NUP62CL: variants seen among roughly 807,000 people sequenced by gnomAD.
The protein encoded by NUP62CL is nucleoporin-62 C-terminal-like protein.
NUP62CL carries 13 observed loss-of-function variants against 15.3 expected under a neutral mutation model. The ratio of observed to expected loss-of-function variants is 0.85; its 90% CI spans 0.55 to 1.35. The LOEUF is 1.35. Among genes scored for constraint, NUP62CL ranks in the 40% most tolerant of loss-of-function variants. The pLI, the probability that NUP62CL is intolerant of heterozygous loss-of-function variation, is 0.00. For synonymous variants in NUP62CL, 54 were observed against 49.2 expected (o/e 1.10, Z -0.41); for missense variants, 123 against 130.6 (o/e 0.94, Z 0.28).
chrX:107,129,428 T>A (rs1402498632), intron 8 of NUP62CL, among the ~76,000 whole-genome samples: 3 of 111,592 alleles, frequency 2.7e-5, no homozygotes, highest in Non-Finnish European at 5.6e-5. Flanking sequence ...GGGCAAGTAT[T>A]CTGTACCAAA....
rs181092906 is a variant in NUP62CL, at chrX:107,155,351, G to T, written c.195-1105C>A. Among the ~76,000 whole-genome samples the T allele has an allele frequency of 3.1e-3, 346 of 112,468 alleles. 1 individual carries two copies. Among genetic ancestry groups the T allele is most frequent in the African/African-American group, 0.011 (338 of 30,926 alleles). On this transcript the variant is annotated intron_variant, in intron 4 of 8. Transcript: ENST00000372466. ...CCCCTTGTGTCAGTGGGGCCAACAG[G>T]AAGCTGAAATTCTGCCTCCATGTGC...
At chrX:107,159,580 AC>A (rs1310752237) in intron 4 of NUP62CL, among the ~76,000 whole-genome samples, 2 of 66,012 alleles carry the variant, frequency 3.0e-5, no homozygotes, top group Non-Finnish European at 5.4e-5. Context: ...AAATTCAACA[AC>A]CCTTCATGCT....
At chrX:107,154,483 C>T (rs1926126064) in intron 4 of NUP62CL, among the ~76,000 whole-genome samples, 1 of 111,779 alleles carries the variant, frequency 8.9e-6, no homozygotes, top group South Asian at 3.8e-4. Context: ...AAGAAACCTA[C>T]TAAATCACAG....
In NUP62CL at chrX:107,167,661, G is replaced by C; in HGVS notation, c.182C>G (p.Thr61Ser). Residue 61 changes from threonine to serine, a missense_variant, in exon 4 of 9, where the codon ACT (threonine) becomes AGT (serine). Physicochemically the swap from Thr to Ser is moderately conservative, Grantham distance 58. Coordinates refer to ENST00000372466, the MANE Select transcript of NUP62CL (RefSeq NM_017681.3). ...TAAATAGGCTTACCTAACAGTTGAAGTATAAGGTACAAGGTTTTCAAACCC... is the reference window on the plus strand; with the variant it reads ...TAAATAGGCTTACCTAACAGTTGAACTATAAGGTACAAGGTTTTCAAACCC... ...SRGFENLVPY[T>S]STVSVVATPV... The C allele has an allele frequency of 8.4e-7, 1 of 1,194,415 alleles. No homozygotes were observed. The highest frequency in any genetic ancestry group is 1.1e-6 in the Non-Finnish European group (1 of 884,482).
intron 8 of NUP62CL, among the ~76,000 whole-genome samples, 182 bp from the exon 9 acceptor site, chrX:107,124,514 T>C (rs867654568): frequency 9.0e-6 from 1 of 111,439 alleles, no homozygotes; most frequent in Non-Finnish European, 1.9e-5. Context: ...GTGCAAACAA[T>C]GGACAAGACT....
chrX:107,170,445 C>T (rs1342430503), intron 3 of NUP62CL, among the ~76,000 whole-genome samples: 8 of 103,108 alleles, frequency 7.8e-5, no homozygotes, highest in Non-Finnish European at 2.0e-5. Flanking sequence ...TGGAGTCTCG[C>T]TCTGTCACCC....
At chrX:107,180,323 CTGTAAAATGACA>C (rs1926886084) in intron 2 of NUP62CL, among the ~76,000 whole-genome samples, 1 of 111,764 alleles carries the variant, frequency 8.9e-6, no homozygotes, top group East Asian at 2.8e-4. Flanking sequence ...ACTTGAATAC[CTGTAAAATGACA>C]TGTAAAATGA....
chrX:107,129,576 C>T (rs1301298747), intron 8 of NUP62CL, among the ~76,000 whole-genome samples: 1 of 112,348 alleles, frequency 8.9e-6, no homozygotes, highest in Non-Finnish European at 1.9e-5. Context: ...CTGGAAGTTT[C>T]TTCTCCAGAG....
Position 107,137,976 on chromosome X carries a change from T to C in NUP62CL, c.*42+9767A>G, listed in dbSNP as rs780327268. Among the ~76,000 whole-genome samples the C allele has an allele frequency of 1.0e-3, 114 of 111,606 alleles. 1 individual carries two copies. Among genetic ancestry groups the C allele is most frequent in the Non-Finnish European group, 1.9e-3 (100 of 53,057 alleles). Reference sequence around the variant, plus strand: ...ATTGGGGGAAAGACACATAGACCCATAGTATAGAGACCTCAGAAAAAGACC... The same window carrying C: ...ATTGGGGGAAAGACACATAGACCCACAGTATAGAGACCTCAGAAAAAGACC... On this transcript the variant is annotated intron_variant, in intron 8 of 8. Transcript: ENST00000372466.
At chrX:107,183,631 C>T (rs1428189454) in intron 2 of NUP62CL, among the ~76,000 whole-genome samples, 1 of 110,638 alleles carries the variant, frequency 9.0e-6, no homozygotes, top group Admixed American at 9.7e-5. Context: ...CCCAGAAATG[C>T]CAATGGGTAT....
At chrX:107,140,503 T>C (rs1428316718) in intron 8 of NUP62CL, among the ~76,000 whole-genome samples, 1 of 111,496 alleles carries the variant, frequency 9.0e-6, no homozygotes, top group Non-Finnish European at 1.9e-5. Context: ...TCCAATTATA[T>C]AGCACTCAGT....
intron 7 of NUP62CL, among the ~76,000 whole-genome samples, chrX:107,148,761 T>C (rs1022949473): frequency 1.3e-4 from 14 of 110,829 alleles, no homozygotes; most frequent in Admixed American, 3.8e-4. Context: ...TTTTAGACAT[T>C]AGGTGGTCTT....
chrX:107,156,493 C>T (rs1228954170), intron 4 of NUP62CL, among the ~76,000 whole-genome samples: 1 of 106,283 alleles, frequency 9.4e-6, no homozygotes, highest in African/African-American at 3.4e-5. Context: ...AGCAGCCTAA[C>T]TGGGAGGCAC....
chrX:107,184,458 G>A (rs1927004319), intron 2 of NUP62CL, among the ~76,000 whole-genome samples: 1 of 111,374 alleles, frequency 9.0e-6, no homozygotes, highest in African/African-American at 3.3e-5. Flanking sequence ...TTGGTAGAAG[G>A]ACCCAGTAGT....
At chrX:107,203,290 C>T (rs1368578176) in intron 1 of NUP62CL, among the ~76,000 whole-genome samples, 2 of 106,494 alleles carry the variant, frequency 1.9e-5, no homozygotes, top group Non-Finnish European at 3.9e-5. Context: ...GTCGCCCAGG[C>T]TGGAGTGCAG....
At chrX:107,165,840 C>T (rs1168696903) in intron 4 of NUP62CL, among the ~76,000 whole-genome samples, 1 of 111,632 alleles carries the variant, frequency 9.0e-6, no homozygotes, top group African/African-American at 3.3e-5. Context: ...TGGAAAAACT[C>T]GACATCCACA....
At chrX:107,137,011 C>A (rs1301192004) in intron 8 of NUP62CL, among the ~76,000 whole-genome samples, 2 of 111,852 alleles carry the variant, frequency 1.8e-5, no homozygotes, top group African/African-American at 6.5e-5. Context: ...TTGCAGTGAG[C>A]CAAGTTTGCA....
At chrX:107,132,976 G>A (rs1925556549) in intron 8 of NUP62CL, among the ~76,000 whole-genome samples, 1 of 111,915 alleles carries the variant, frequency 8.9e-6, no homozygotes, top group South Asian at 3.8e-4. Context: ...AGTGCTGGCA[G>A]GAATGCATTC....
At chrX:107,195,085 G>A (rs1351292888) in intron 1 of NUP62CL, among the ~76,000 whole-genome samples, 3 of 110,435 alleles carry the variant, frequency 2.7e-5, no homozygotes, top group African/African-American at 6.6e-5. Flanking sequence ...CCAGTGTTGG[G>A]ATTACAGACA....
Sources: gnomAD v4.1 joint callset for allele counts (sites outside exome capture counted in the v4.1 genomes callset) on GRCh38, gnomAD v4.1.1 for gene constraint, MANE v1.5 for transcripts, NCBI Gene and HGNC (gene_info 2026-07-23, HGNC 2026-07-21) for gene names.